CELF2: variants seen among roughly 807,000 people sequenced by gnomAD.
CELF2 encodes CUG triplet repeat RNA-binding protein 2.
A neutral mutation model predicts 62.6 loss-of-function variants in CELF2; 8 were observed. The observed-to-expected ratio is 0.13, with a 90% CI of 0.07 to 0.23. The LOEUF (loss-of-function observed/expected upper bound fraction) is 0.23. CELF2 is among the 10% of genes least tolerant of loss of function. CELF2 has a pLI of 1.00. For synonymous variants in CELF2, 258 were observed against 250.0 expected (o/e 1.03, Z -0.30); for missense variants, 333 against 671.0 (o/e 0.50, Z 5.56).
At chr10:10,636,588 C>G in the CELF2 span, among the ~76,000 whole-genome samples, 190 of 152,240 alleles carry the variant, frequency 1.2e-3, 1 homozygote, top group African/African-American at 4.3e-3. Flanking sequence ...TTCAATTTCC[C>G]CAACCATCTC....
At chr10:10,590,017 C>T in the CELF2 span, among the ~76,000 whole-genome samples, 6 of 152,168 alleles carry the variant, frequency 3.9e-5, no homozygotes, top group African/African-American at 9.7e-5. Context: ...AGATTCAAGT[C>T]TCTGCCCGGG....
the CELF2 span, among the ~76,000 whole-genome samples, chr10:10,759,855 G>A: frequency 3.3e-5 from 5 of 151,874 alleles, no homozygotes; most frequent in Admixed American, 1.3e-4. Context: ...TTGAAAAGAC[G>A]GTGATATTCC....
chr10:11,322,792 C>T (rs1173053728), intron 11 of CELF2, among the ~76,000 whole-genome samples: 3 of 152,130 alleles, frequency 2.0e-5, no homozygotes, highest in African/African-American at 7.2e-5. Flanking sequence ...GAAACATGCA[C>T]AGGTGTTCAG....
chr10:10,991,023 T>A (rs766996306), intron 2 of CELF2, among the ~76,000 whole-genome samples: 5 of 151,742 alleles, frequency 3.3e-5, no homozygotes, highest in Non-Finnish European at 7.4e-5. Context: ...TTGTGTGAGT[T>A]TTTTTCCCCC....
chr10:10,487,110 C>A, the CELF2 span, among the ~76,000 whole-genome samples: 1 of 152,178 alleles, frequency 6.6e-6, no homozygotes. Context: ...ATCTTGCTGG[C>A]TTCCTATGAT....
At chr10:11,131,765 G>A (rs1408444454) in intron 1 of CELF2, among the ~76,000 whole-genome samples, 7 of 152,192 alleles carry the variant, frequency 4.6e-5, no homozygotes, top group Non-Finnish European at 8.8e-5. Flanking sequence ...GTTGGCTTTG[G>A]TGACTTTTTT....
At chr10:11,279,195 G>C (rs6602490) in intron 8 of CELF2, among the ~76,000 whole-genome samples, 19,623 of 152,070 alleles carry the variant, frequency 0.13, 2,542 homozygotes, top group African/African-American at 0.33. Context: ...TTTGATGAAC[G>C]GGAGGAAACT....
chr10:10,639,084 G>A, the CELF2 span, among the ~76,000 whole-genome samples: 1 of 152,146 alleles, frequency 6.6e-6, no homozygotes, highest in Non-Finnish European at 1.5e-5. Flanking sequence ...CCAGAAGAGA[G>A]CTTTTAATAT....
At chr10:10,733,425 G>A in the CELF2 span, among the ~76,000 whole-genome samples, 1 of 152,094 alleles carries the variant, frequency 6.6e-6, no homozygotes, top group Non-Finnish European at 1.5e-5. Flanking sequence ...AAGTGTGCCG[G>A]AGGAGGTAGT....
chr10:11,060,941 G>T (rs1305910439), intron 1 of CELF2, among the ~76,000 whole-genome samples: 1 of 151,952 alleles, frequency 6.6e-6, no homozygotes, highest in African/African-American at 2.4e-5. Flanking sequence ...CCTCCACTTG[G>T]GCTTTTCTAT....
chr10:10,970,313 C>T (rs1022545031), intron 2 of CELF2, among the ~76,000 whole-genome samples: 1 of 152,212 alleles, frequency 6.6e-6, no homozygotes, highest in East Asian at 1.9e-4. Context: ...GCGATCCGCC[C>T]ACCTCAGCCT....
chr10:10,780,454 CGTTTGTT>C, the CELF2 span, among the ~76,000 whole-genome samples: 4 of 148,958 alleles, frequency 2.7e-5, no homozygotes, highest in Admixed American at 1.3e-4. Context: ...CAGAGGGAAA[CGTTTGTT>C]TGTTTGTTTG....
rs758138121 is a variant in CELF2, at chr10:11,328,607, AAC to A, written c.1439-315_1439-314del. On this transcript the variant is annotated intron_variant, in intron 12 of 12. Coordinates refer to ENST00000633077, the MANE Select transcript of CELF2 (RefSeq NM_001326342.2). This position sits in a 1 kb window ranked among gnomAD's most constrained non-coding sequence, Gnocchi z 6.4. ...TTTGGAGAGATACTAAAGGACTTGA[AAC>A]ACAATGATTTGAGCGAGTTCAGTAA... 6.6e-5 allele frequency among the ~76,000 whole-genome samples: 10 copies of A among 152,232 alleles called. No individual in the cohort carries two copies. Among genetic ancestry groups the A allele is most frequent in the Non-Finnish European group, 1.0e-4 (7 of 68,044 alleles).
the CELF2 span, among the ~76,000 whole-genome samples, chr10:10,685,192 A>C: frequency 6.6e-6 from 1 of 152,190 alleles, no homozygotes; most frequent in Non-Finnish European, 1.5e-5. Flanking sequence ...AGCGGCTCAG[A>C]TTTTGGTCTT....
In CELF2 at chr10:10,928,331, G is replaced by T. The variant is rs193074472; in HGVS notation, c.89+8332G>T. Among the ~76,000 whole-genome samples the T allele has an allele frequency of 2.0e-3, 309 of 152,156 alleles. 4 individuals are homozygous for T. Among genetic ancestry groups the T allele is most frequent in the African/African-American group, 7.3e-3 (302 of 41,506 alleles). On this transcript the variant is annotated intron_variant, in intron 2 of 13. Coordinates refer to the CELF2 transcript ENST00000636488. The surrounding 1 kb of genome is among the most constrained non-coding windows in gnomAD (Gnocchi z 4.8). Reference sequence around the variant, plus strand: ...TCAGAGATAAGAAAACTGAGATCTGGTCTCCTACTCTTTGTATGTGTTCTT... The same window carrying T: ...TCAGAGATAAGAAAACTGAGATCTGTTCTCCTACTCTTTGTATGTGTTCTT...
chr10:11,273,332 G>T (rs1357247236), intron 7 of CELF2, among the ~76,000 whole-genome samples: 1 of 152,130 alleles, frequency 6.6e-6, no homozygotes, highest in African/African-American at 2.4e-5. Flanking sequence ...CAGATCAGCG[G>T]CAGCCTTGGA....
chr10:10,929,084 CCTTCTCACT>C (rs2065820314), intron 2 of CELF2, among the ~76,000 whole-genome samples: 1 of 152,082 alleles, frequency 6.6e-6, no homozygotes, highest in Non-Finnish European at 1.5e-5. Context: ...CTTCTCTCAC[CCTTCTCACT>C]CTTCTCACTG....
At chr10:10,537,291 ACAGT>A in the CELF2 span, among the ~76,000 whole-genome samples, 1 of 152,204 alleles carries the variant, frequency 6.6e-6, no homozygotes, top group Admixed American at 6.5e-5. Flanking sequence ...TTTGAAGCTG[ACAGT>A]CAGTAGCTTT....
intron 1 of CELF2, among the ~76,000 whole-genome samples, chr10:10,844,544 T>A (rs1021549650): frequency 3.3e-5 from 5 of 152,114 alleles, no homozygotes; most frequent in African/African-American, 1.2e-4. Flanking sequence ...ATTTGCAGTT[T>A]TATCCCAGAA....
Sources: allele counts gnomAD v4.1 joint callset (sites outside exome capture counted in the v4.1 genomes callset), GRCh38; gene constraint gnomAD v4.1.1; non-coding constraint Gnocchi (gnomAD v3.1); transcripts MANE v1.5; gene names NCBI Gene and HGNC (gene_info 2026-07-23, HGNC 2026-07-21).